KIRREL3: variants seen among roughly 807,000 people sequenced by gnomAD.
KIRREL3 encodes kin of IRRE-like protein 3.
In KIRREL3, 36 loss-of-function variants were observed where a neutral mutation model predicts 89.7. That is an observed-to-expected ratio of 0.40 (90% confidence interval 0.31 to 0.53). KIRREL3 has a LOEUF of 0.53. Ranked by LOEUF, KIRREL3 falls within the 20% of genes least tolerant of loss-of-function variation. The pLI is 0.49. For synonymous variants in KIRREL3, 445 were observed against 441.4 expected (o/e 1.01, Z -0.10); for missense variants, 864 against 1,056.6 (o/e 0.82, Z 2.53).
intron 1 of KIRREL3, among the ~76,000 whole-genome samples, chr11:126,869,167 T>TTTTTTC (rs1945021519): frequency 6.6e-6 from 1 of 151,388 alleles, no homozygotes; most frequent in Admixed American, 6.6e-5. Flanking sequence ...TTTTTTTTTT[T>TTTTTTC]TTTTTTCTCC....
In KIRREL3 at chr11:126,876,199, A is replaced by G. The variant is rs1945278372; in HGVS notation, c.55+124256T>C. Among the ~76,000 whole-genome samples, 1 of 152,206 alleles carries G rather than the reference A, an allele frequency of 6.6e-6. No homozygotes were observed. Among genetic ancestry groups the G allele is most frequent in the South Asian group, 2.1e-4 (1 of 4,828 alleles). The stretch of plus-strand genomic sequence containing the variant: ...TGAAGCTCAGGTCTTTTCTCTCAAG[A>G]ATAAGCATTGGCAAGTTCTTTTCAT... On this transcript the variant is annotated intron_variant, in intron 1 of 16. Coordinates refer to ENST00000525144, the MANE Select transcript of KIRREL3 (RefSeq NM_032531.4). This position sits in a 1 kb window ranked among gnomAD's most constrained non-coding sequence, Gnocchi z 4.1.
rs550284279 is a variant in KIRREL3, at chr11:126,960,308, G to A, written c.55+40147C>T. ...TTTAATATCCTAACTACCTACCATG[G>A]GATAGGACAAACTCTGCTATAGAAG... On this transcript the variant is annotated intron_variant, in intron 1 of 16. Transcript: ENST00000525144. Among the ~76,000 whole-genome samples, 347 of 152,220 alleles carry A rather than the reference G, an allele frequency of 2.3e-3. 1 individual carries two copies. The highest frequency in any genetic ancestry group is 4.0e-3 in the Non-Finnish European group (271 of 68,018).
Position 126,484,856 on chromosome 11 carries a change from C to A in KIRREL3, c.434-11390G>T, listed in dbSNP as rs1323354409. ...CTGAGACGGAGTCTCGCTCTTGTCA[C>A]CCAGGCTGGAGTGCAATGGCACAAT... On this transcript the variant is annotated intron_variant, in intron 4 of 16. Transcript: ENST00000525144. The surrounding 1 kb of genome is among the most constrained non-coding windows in gnomAD (Gnocchi z 5.2). Among the ~76,000 whole-genome samples, 15 of 151,162 alleles carry A rather than the reference C, an allele frequency of 9.9e-5. No individual in the cohort carries two copies. Among genetic ancestry groups the A allele is most frequent in the African/African-American group, 3.7e-4 (15 of 41,028 alleles).
At chr11:126,737,401 T>G (rs1175273846) in intron 1 of KIRREL3, among the ~76,000 whole-genome samples, 4 of 151,998 alleles carry the variant, frequency 2.6e-5, no homozygotes, top group African/African-American at 9.7e-5. Context: ...CCCCCTCCTC[T>G]GTCATGCCTG....
At chr11:126,966,227 G>C (rs957535833) in intron 1 of KIRREL3, among the ~76,000 whole-genome samples, 2 of 152,172 alleles carry the variant, frequency 1.3e-5, no homozygotes, top group African/African-American at 4.8e-5. Context: ...CTGACAATAA[G>C]GTACAGACAA....
At position 126,535,534 on chromosome 11, in the gene KIRREL3, G is replaced by A. The variant is rs939961844; in HGVS notation, c.134-8847C>T. Among the ~76,000 whole-genome samples the A allele has an allele frequency of 5.3e-5, 8 of 152,164 alleles. No homozygotes were observed. The highest frequency in any genetic ancestry group is 1.9e-4 in the African/African-American group (8 of 41,434). On this transcript the variant is annotated intron_variant, in intron 2 of 16. Coordinates refer to ENST00000525144, the MANE Select transcript of KIRREL3 (RefSeq NM_032531.4). The surrounding 1 kb of genome is among the most constrained non-coding windows in gnomAD (Gnocchi z 4.5). The stretch of plus-strand genomic sequence containing the variant: ...CAGATTACAAGGGCCACGTCACTCG[G>A]TGTGATGGTCTTAGGGCAGCACTGC...
rs143996012 is a variant in KIRREL3, at chr11:126,723,144, C to T, written c.56-160232G>A. ...AAGTGGGTAGGGACTGTGGTTTGTTCGTCTCCGTCCCAGGCATCTATCTCA... is the reference window on the plus strand; with the variant it reads ...AAGTGGGTAGGGACTGTGGTTTGTTTGTCTCCGTCCCAGGCATCTATCTCA... On this transcript the variant is annotated intron_variant, in intron 1 of 16. Transcript: ENST00000525144. This position sits in a 1 kb window ranked among gnomAD's most constrained non-coding sequence, Gnocchi z 4.0. 1.3e-3 allele frequency among the ~76,000 whole-genome samples: 194 copies of T among 152,306 alleles called. No individual in the cohort carries two copies. Among genetic ancestry groups the T allele is most frequent in the Non-Finnish European group, 2.0e-3 (136 of 68,024 alleles).
chr11:126,872,507 T>A lies in KIRREL3; in HGVS notation c.55+127948A>T, dbSNP rs1487843978. 6.6e-6 allele frequency among the ~76,000 whole-genome samples: 1 copy of A among 152,180 alleles called. No homozygotes were observed. Among genetic ancestry groups the A allele is most frequent in the African/African-American group, 2.4e-5 (1 of 41,454 alleles). ...CTTTCACCATCATCTCCCCATTGGATTATTTCCTGGGTGAAGCCAAGAACC... is the reference window on the plus strand; with the variant it reads ...CTTTCACCATCATCTCCCCATTGGAATATTTCCTGGGTGAAGCCAAGAACC... On this transcript the variant is annotated intron_variant, in intron 1 of 16. Transcript: ENST00000525144. The surrounding 1 kb of genome is among the most constrained non-coding windows in gnomAD (Gnocchi z 4.2).
In KIRREL3 at chr11:126,938,611, A is replaced by G. The variant is rs990103183; in HGVS notation, c.55+61844T>C. Among the ~76,000 whole-genome samples, 32 of 152,302 alleles carry G rather than the reference A, an allele frequency of 2.1e-4. 1 individual carries two copies. Among genetic ancestry groups the G allele is most frequent in the African/African-American group, 6.7e-4 (28 of 41,568 alleles). ...CTGATTAAAAACATTATGTATAGGA[A>G]ATTAGCAGGGATGATTGCTCGTGGG... On this transcript the variant is annotated intron_variant, in intron 1 of 16. Transcript: ENST00000525144.
intron 5 of KIRREL3, among the ~76,000 whole-genome samples, chr11:126,470,755 G>A (rs907756756): frequency 2.0e-5 from 3 of 152,200 alleles, no homozygotes; most frequent in Non-Finnish European, 2.9e-5. Flanking sequence ...GGAGGAGCAT[G>A]GGCAAGGGCA....
In KIRREL3 at chr11:126,579,567, CAGAG is replaced by C. The variant is rs1459366582; in HGVS notation, c.56-16659_56-16656del. ...CAGTGGAAGAGGAGAACTGGGGAGA[CAGAG>C]AGTGAGAAAAGGGGCAGAAAAAACA... On this transcript the variant is annotated intron_variant, in intron 1 of 16. Coordinates refer to ENST00000525144, the MANE Select transcript of KIRREL3 (RefSeq NM_032531.4). This position sits in a 1 kb window ranked among gnomAD's most constrained non-coding sequence, Gnocchi z 5.3. 2.0e-5 allele frequency among the ~76,000 whole-genome samples: 3 copies of C among 151,992 alleles called. No homozygotes were observed. Among genetic ancestry groups the C allele is most frequent in the Non-Finnish European group, 4.4e-5 (3 of 68,022 alleles).
intron 1 of KIRREL3, among the ~76,000 whole-genome samples, chr11:126,644,418 T>A (rs1332581798): frequency 2.0e-5 from 3 of 152,118 alleles, no homozygotes; most frequent in Non-Finnish European, 4.4e-5. Context: ...ACTTTGACAA[T>A]TGGAGCTGAA....
intron 1 of KIRREL3, among the ~76,000 whole-genome samples, chr11:126,781,646 C>T (rs759324732): frequency 3.9e-4 from 59 of 152,146 alleles, no homozygotes; most frequent in Non-Finnish European, 8.8e-5. Context: ...TATTCTCTTA[C>T]AGCAGCAGAA....
At position 126,501,427 on chromosome 11, in the gene KIRREL3, G is replaced by A. The variant is rs956336216; in HGVS notation, c.433+19888C>T. ...GACTAAGGAGGCTCCTCTGGGGAGC[G>A]AGGGTGCCCAGGTGGGGAAGGCAGA... is the stretch of plus-strand genomic sequence containing the variant. On this transcript the variant is annotated intron_variant, in intron 4 of 16. Coordinates refer to ENST00000525144, the MANE Select transcript of KIRREL3 (RefSeq NM_032531.4). The surrounding 1 kb of genome is among the most constrained non-coding windows in gnomAD (Gnocchi z 5.8). Among the ~76,000 whole-genome samples, 13 of 152,174 alleles carry A rather than the reference G, an allele frequency of 8.5e-5. No individual in the cohort carries two copies. Among genetic ancestry groups the A allele is most frequent in the African/African-American group, 3.1e-4 (13 of 41,440 alleles).
intron 1 of KIRREL3, among the ~76,000 whole-genome samples, chr11:126,649,968 G>A (rs538270937): frequency 6.6e-6 from 1 of 152,342 alleles, no homozygotes; most frequent in Non-Finnish European, 1.5e-5. Context: ...TCTAGGTGGA[G>A]GTTCCCAAAC....
intron 1 of KIRREL3, among the ~76,000 whole-genome samples, chr11:126,681,394 A>C (rs1946445729): frequency 1.3e-5 from 2 of 152,352 alleles, no homozygotes; most frequent in Non-Finnish European, 1.5e-5. Flanking sequence ...TATTGCCTAC[A>C]GTCATCAGGG....
rs370873312 is a variant in KIRREL3 at position 126,440,525 on chromosome 11, T to G, written c.1277A>C (p.Gln426Pro). Residue 426 changes from glutamine to proline, a missense_variant, in exon 11 of 17, where the codon CAG (glutamine) becomes CCG (proline). Physicochemically the swap from Gln to Pro is moderately conservative, Grantham distance 76. Transcript: ENST00000525144. The stretch of plus-strand genomic sequence containing the variant: ...CTCGCCGTGGAGGGCGTGCTGGGTC[T>G]GGGTGCTGGAGATGATGGGGGGTCC... ...VNGPPIISSTQTQHALHGEKG... is the reference protein window; with the variant it reads ...VNGPPIISSTPTQHALHGEKG... 6.2e-7 allele frequency: 1 copy of G among 1,601,738 alleles called. No homozygotes were observed. The highest frequency in any genetic ancestry group is 8.5e-7 in the Non-Finnish European group (1 of 1,174,588).
At position 126,424,863 on chromosome 11, in the gene KIRREL3, T is replaced by C. The variant is rs1465352724; in HGVS notation, c.2054A>G (p.Gln685Arg). The change falls in exon 17 of 17, where the codon CAG becomes CGG. Residue 685 changes from glutamine to arginine, a missense_variant. Gln to Arg is a conservative substitution (Grantham distance 43, BLOSUM62 1). Transcript: ENST00000525144. ...FTNIYSTLSGQGRLYDYGQRF... is the reference protein window; with the variant it reads ...FTNIYSTLSGRGRLYDYGQRF... ...CTGCCCGTAGTCGTAGAGGCGGCCC[T>C]GGCCGCTCAGGGTGCTGTAGATGTT... 1 of 1,613,894 alleles carries C rather than the reference T, an allele frequency of 6.2e-7. No homozygotes were observed. Among genetic ancestry groups the C allele is most frequent in the Admixed American group, 1.7e-5 (1 of 60,020 alleles).
At position 126,565,203 on chromosome 11, in the gene KIRREL3, G is replaced by C. The variant is rs1940429312; in HGVS notation, c.56-2291C>G. ...TGGAAGGGCGAACAATTCTCTTACA[G>C]ATTTAGAGAGTGTGAGCAATCTGTT... On this transcript the variant is annotated intron_variant, in intron 1 of 16. Coordinates refer to ENST00000525144, the MANE Select transcript of KIRREL3 (RefSeq NM_032531.4). This position sits in a 1 kb window ranked among gnomAD's most constrained non-coding sequence, Gnocchi z 5.4. Among the ~76,000 whole-genome samples, 1 of 152,186 alleles carries C rather than the reference G, an allele frequency of 6.6e-6. No individual in the cohort carries two copies. Among genetic ancestry groups the C allele is most frequent in the African/African-American group, 2.4e-5 (1 of 41,440 alleles).
Sources: gnomAD v4.1 joint callset for allele counts (sites outside exome capture counted in the v4.1 genomes callset) on GRCh38, gnomAD v4.1.1 for gene constraint, Gnocchi (gnomAD v3.1) non-coding constraint, MANE v1.5 for transcripts, NCBI Gene and HGNC (gene_info 2026-07-23, HGNC 2026-07-21) for gene names.